C12orf42: variants seen among roughly 807,000 people sequenced by gnomAD.
The protein encoded by C12orf42 is uncharacterized protein C12orf42.
A neutral mutation model predicts 21.6 loss-of-function variants in C12orf42; 25 were observed. The ratio of observed to expected loss-of-function variants is 1.16; its 90% confidence interval spans 0.84 to 1.62. The LOEUF (loss-of-function observed/expected upper bound fraction) is 1.62. Ranked by LOEUF, C12orf42 falls within the 40% of genes most tolerant of loss-of-function variation. C12orf42 has a pLI of 0.00. For missense variants in C12orf42, 483 were observed against 459.3 expected, an observed-to-expected ratio of 1.05 and a Z score of -0.47; for synonymous variants, 174 against 175.0, an observed-to-expected ratio of 0.99 and a Z score of 0.05.
chr12:103,266,594 T>C (rs1367225042), downstream of C12orf42, among the ~76,000 whole-genome samples: 3 of 151,972 alleles, frequency 2.0e-5, no homozygotes, highest in African/African-American at 4.8e-5. Flanking sequence ...AAGTGAGAGC[T>C]ATCTCTTCCA....
At chr12:103,083,458 A>G in the C12orf42 span, among the ~76,000 whole-genome samples, 1 of 152,190 alleles carries the variant, frequency 6.6e-6, no homozygotes, top group African/African-American at 2.4e-5. Flanking sequence ...AACCATACAA[A>G]CTAGAAATTC....
chr12:103,352,830 T>C (rs1283167331), intron 4 of C12orf42, among the ~76,000 whole-genome samples: 1 of 152,164 alleles, frequency 6.6e-6, no homozygotes, highest in Non-Finnish European at 1.5e-5. Context: ...GAGGATTAAA[T>C]GGACACTTGA....
chr12:103,216,874 G>T, the C12orf42 span, among the ~76,000 whole-genome samples: 1 of 151,696 alleles, frequency 6.6e-6, no homozygotes, highest in African/African-American at 2.4e-5. Flanking sequence ...ATGGAGTCCC[G>T]CTCTGTGGCC....
downstream of C12orf42, among the ~76,000 whole-genome samples, chr12:103,237,264 T>C (rs2033497720): frequency 6.6e-6 from 1 of 152,008 alleles, no homozygotes; most frequent in Non-Finnish European, 1.5e-5. Context: ...TCAACAATGG[T>C]GTGTGTGTGG....
intron 4 of C12orf42, among the ~76,000 whole-genome samples, chr12:103,281,432 G>A (rs895678105): frequency 1.3e-5 from 2 of 151,426 alleles, no homozygotes; most frequent in African/African-American, 4.9e-5. Flanking sequence ...GCGTGGTCTC[G>A]GCTCACTGCC....
intron 2 of C12orf42, among the ~76,000 whole-genome samples, chr12:103,444,979 G>A (rs145693669): frequency 1.2e-4 from 18 of 151,762 alleles, no homozygotes; most frequent in African/African-American, 2.9e-4. Flanking sequence ...AAGAACATAC[G>A]TAGATATCCA....
chr12:103,249,680 C>G (rs536515732), intron 10 of C12orf42, among the ~76,000 whole-genome samples: 1 of 152,140 alleles, frequency 6.6e-6, no homozygotes, highest in South Asian at 2.1e-4. Context: ...CAGGGACTAC[C>G]CAGTTTCAGT....
the C12orf42 span, among the ~76,000 whole-genome samples, chr12:103,116,637 C>T: frequency 6.6e-6 from 1 of 152,132 alleles, no homozygotes; most frequent in Admixed American, 6.5e-5. Context: ...AGCTAGTGAA[C>T]ATTTGCTGCT....
chr12:103,442,401 T>A (rs1202639779), intron 2 of C12orf42, among the ~76,000 whole-genome samples: 1 of 152,150 alleles, frequency 6.6e-6, no homozygotes, highest in Non-Finnish European at 1.5e-5. Flanking sequence ...GATGTGCAAG[T>A]CAACAACAGG....
intron 4 of C12orf42, among the ~76,000 whole-genome samples, chr12:103,344,724 C>CTATG (rs1416516340): frequency 8.5e-5 from 13 of 152,172 alleles, no homozygotes; most frequent in African/African-American, 3.1e-4. Flanking sequence ...ACATTTTGGG[C>CTATG]TGCCTATGAT....
chr12:103,270,112 G>A (rs2035371924), intron 5 of C12orf42: 1 of 152,102 alleles, frequency 6.6e-6, no homozygotes, highest in Admixed American at 6.6e-5. Flanking sequence ...GAGCAGGGGA[G>A]CCATATGATC....
At chr12:103,384,354 C>T (rs2046432715) in intron 3 of C12orf42, among the ~76,000 whole-genome samples, 2 of 152,168 alleles carry the variant, frequency 1.3e-5, no homozygotes, top group Non-Finnish European at 2.9e-5. Flanking sequence ...GAGTTTAAAG[C>T]CCAGCATTCA....
At chr12:103,057,525 A>G in the C12orf42 span, among the ~76,000 whole-genome samples, 1 of 152,168 alleles carries the variant, frequency 6.6e-6, no homozygotes, top group African/African-American at 2.4e-5. Context: ...TGCAAAGGAC[A>G]TGATCTCATT....
the C12orf42 span, among the ~76,000 whole-genome samples, chr12:103,077,562 A>G: frequency 6.6e-6 from 1 of 152,184 alleles, no homozygotes; most frequent in African/African-American, 2.4e-5. Context: ...TGCTGGAGCA[A>G]TCCAAGCTGG....
At chr12:103,224,952 C>T in the C12orf42 span, among the ~76,000 whole-genome samples, 5 of 152,194 alleles carry the variant, frequency 3.3e-5, no homozygotes, top group South Asian at 1.0e-3. Flanking sequence ...AGGGAAAGCA[C>T]GTACGTTTTT....
At chr12:103,447,013 T>C (rs1337085311) in intron 2 of C12orf42, among the ~76,000 whole-genome samples, 1 of 151,994 alleles carries the variant, frequency 6.6e-6, no homozygotes, top group Non-Finnish European at 1.5e-5. Context: ...ACAAATGGAC[T>C]TAACAGATAT....
At chr12:103,399,125 T>C (rs12227436) in intron 3 of C12orf42, among the ~76,000 whole-genome samples, 28,014 of 151,808 alleles carry the variant, frequency 0.18, 3,063 homozygotes, top group East Asian at 0.35. Flanking sequence ...AAGTAATTTA[T>C]AGTTTTAGTT....
intron 4 of C12orf42, among the ~76,000 whole-genome samples, chr12:103,314,619 ATGGATTTGACAGGAGGAAGATT>A (rs376171441): frequency 0.017 from 2,571 of 152,236 alleles, 96 homozygotes; most frequent in African/African-American, 0.058. Context: ...AGATTCCGTC[ATGGATTTGACAGGAGGAAGATT>A]TGGATTTGAC....
At chr12:103,153,913 C>T in the C12orf42 span, among the ~76,000 whole-genome samples, 1 of 150,330 alleles carries the variant, frequency 6.7e-6, no homozygotes, top group East Asian at 2.0e-4. Context: ...TCAAAATCTC[C>T]ATCAACAGCA....
Sources: allele counts gnomAD v4.1 joint callset (sites outside exome capture counted in the v4.1 genomes callset), GRCh38; gene constraint gnomAD v4.1.1; transcripts MANE v1.5; gene names NCBI Gene and HGNC (gene_info 2026-07-23, HGNC 2026-07-21).